Variants in GRID1 observed in about 807,000 individuals in gnomAD.
The protein encoded by GRID1 is glutamate receptor ionotropic, delta-1.
A neutral mutation model predicts 98.0 loss-of-function variants in GRID1; 28 were observed. The ratio of observed to expected loss-of-function variants is 0.29; its 90% CI spans 0.21 to 0.39. The LOEUF (loss-of-function observed/expected upper bound fraction) is 0.39, where lower values mean the gene tolerates loss of function less well. GRID1 is among the 10% of genes least tolerant of loss of function. The pLI is 1.00. For missense variants in GRID1, 1,111 were observed against 1,340.5 expected (o/e 0.83, Z 2.67); for synonymous variants, 553 against 538.5 (o/e 1.03, Z -0.37).
chr10:86,162,581 A>G (rs910713217), intron 3 of GRID1, among the ~76,000 whole-genome samples: 9 of 152,090 alleles, frequency 5.9e-5, no homozygotes, highest in Middle Eastern at 3.2e-3. Context: ...TGCAAATCCA[A>G]CCCTAAAAAC....
chr10:85,689,652 GGAAAAC>G (rs1841311036), intron 12 of GRID1, among the ~76,000 whole-genome samples: 1 of 151,836 alleles, frequency 6.6e-6, no homozygotes, highest in African/African-American at 2.4e-5. Flanking sequence ...CACATTCCAA[GGAAAAC>G]CAATGGAAAG....
chr10:85,680,994 G>C (rs573444770), intron 12 of GRID1, among the ~76,000 whole-genome samples: 1 of 152,136 alleles, frequency 6.6e-6, no homozygotes, highest in Non-Finnish European at 1.5e-5. Context: ...AGGGTGGCAC[G>C]GGGCTGAGGG....
chr10:86,010,827 A>AAAAG (rs1447082934), intron 4 of GRID1, among the ~76,000 whole-genome samples: 4 of 151,824 alleles, frequency 2.6e-5, no homozygotes, highest in Non-Finnish European at 5.9e-5. Context: ...AAAAAAAAAA[A>AAAAG]AAAGTAATGA....
rs1025542804 is a variant in GRID1 at position 86,192,225 on chromosome 10, C to T, written c.520+14139G>A. Among the ~76,000 whole-genome samples the T allele has an allele frequency of 1.1e-4, 17 of 152,184 alleles. No individual in the cohort carries two copies. Among genetic ancestry groups the T allele is most frequent in the Middle Eastern group, 6.8e-3 (2 of 294 alleles). On this transcript the variant is annotated intron_variant, in intron 3 of 15. Transcript: ENST00000327946. The surrounding 1 kb of genome is among the most constrained non-coding windows in gnomAD (Gnocchi z 4.8). Reference sequence around the variant, plus strand: ...ACACACACATGGAGGCTCCAAGAGACGACATTCCTCTCCCAACACCCTCAG... The same window carrying T: ...ACACACACATGGAGGCTCCAAGAGATGACATTCCTCTCCCAACACCCTCAG...
At chr10:86,321,943 G>C (rs1847976525) in intron 2 of GRID1, among the ~76,000 whole-genome samples, 1 of 151,976 alleles carries the variant, frequency 6.6e-6, no homozygotes, top group Non-Finnish European at 1.5e-5. Flanking sequence ...TTATTAAGAA[G>C]ATTACACGTC....
chr10:85,737,975 T>A (rs1841903525), intron 8 of GRID1, among the ~76,000 whole-genome samples: 1 of 151,892 alleles, frequency 6.6e-6, no homozygotes, highest in African/African-American at 2.4e-5. Context: ...CCTGGAATTT[T>A]AACAATCTTA....
intron 4 of GRID1, among the ~76,000 whole-genome samples, chr10:86,023,813 ATTCCCTTCAGATGAATCAAGTAAG>A: frequency 6.6e-6 from 1 of 152,204 alleles, no homozygotes; most frequent in South Asian, 2.1e-4. Flanking sequence ...AATTGCATCT[ATTCCCTTCAGATGAATCAAGTAAG>A]TTCCCTTCCT....
chr10:85,750,882 T>TA (rs1352612209), intron 8 of GRID1, among the ~76,000 whole-genome samples: 4 of 152,238 alleles, frequency 2.6e-5, no homozygotes, highest in Non-Finnish European at 4.4e-5. Flanking sequence ...GTAAAGTAGT[T>TA]ACGGTCCACC....
chr10:86,124,061 T>G (rs887073009), intron 4 of GRID1, among the ~76,000 whole-genome samples: 4 of 152,184 alleles, frequency 2.6e-5, no homozygotes, highest in Non-Finnish European at 5.9e-5. Flanking sequence ...GGGTAGCCAT[T>G]CTCAGCTCCC....
At chr10:85,948,393 G>A (rs546900096) in intron 4 of GRID1, among the ~76,000 whole-genome samples, 1 of 152,340 alleles carries the variant, frequency 6.6e-6, no homozygotes, top group South Asian at 2.1e-4. Context: ...GTCCTTTTGG[G>A]AAGCTGCATT....
intron 12 of GRID1, among the ~76,000 whole-genome samples, chr10:85,695,222 C>T (rs1384461606): frequency 6.6e-6 from 1 of 152,162 alleles, no homozygotes; most frequent in Non-Finnish European, 1.5e-5. Context: ...AATGCTGTCT[C>T]TTGCCTTCCT....
At chr10:85,731,748 G>A (rs1841825688) in intron 8 of GRID1, among the ~76,000 whole-genome samples, 1 of 145,868 alleles carries the variant, frequency 6.9e-6, no homozygotes, top group African/African-American at 2.6e-5. Flanking sequence ...ACTGCAGGGA[G>A]CCACAATTGT....
intron 2 of GRID1, among the ~76,000 whole-genome samples, chr10:86,270,143 A>C (rs1847163202): frequency 6.6e-6 from 1 of 152,128 alleles, no homozygotes; most frequent in Non-Finnish European, 1.5e-5. Flanking sequence ...TGAGCAGCCG[A>C]ATCTTCTGAT....
chr10:86,011,567 C>A (rs1842923900), intron 4 of GRID1, among the ~76,000 whole-genome samples: 3 of 152,132 alleles, frequency 2.0e-5, no homozygotes, highest in Admixed American at 6.5e-5. Flanking sequence ...AGTCTCAGAT[C>A]TCTAAATCTG....
intron 13 of GRID1, among the ~76,000 whole-genome samples, chr10:85,626,841 G>A (rs1465637721): frequency 6.6e-6 from 1 of 152,206 alleles, no homozygotes; most frequent in Non-Finnish European, 1.5e-5. Context: ...TTTGCAATCG[G>A]CTGGTGGGAG....
At chr10:85,687,017 G>A (rs1841277017) in intron 12 of GRID1, among the ~76,000 whole-genome samples, 1 of 152,100 alleles carries the variant, frequency 6.6e-6, no homozygotes, top group African/African-American at 2.4e-5. Context: ...AGGGAAATAG[G>A]AAGCTACTTG....
intron 8 of GRID1, among the ~76,000 whole-genome samples, chr10:85,737,159 C>T (rs151165060): frequency 3.3e-4 from 50 of 152,180 alleles, no homozygotes; most frequent in African/African-American, 1.1e-3. Context: ...TCAGTTAGGA[C>T]CTTTGCACAA....
intron 4 of GRID1, among the ~76,000 whole-genome samples, chr10:85,995,026 G>A (rs1055252089): frequency 6.6e-6 from 1 of 152,188 alleles, no homozygotes; most frequent in African/African-American, 2.4e-5. Context: ...AAGGCACATA[G>A]TTGAGTTTTA....
At chr10:85,977,453 A>G (rs996344774) in intron 4 of GRID1, among the ~76,000 whole-genome samples, 1 of 152,236 alleles carries the variant, frequency 6.6e-6, no homozygotes. Context: ...TGCCAGCCAC[A>G]CAAATACACC....
Sources: allele counts gnomAD v4.1 joint callset (sites outside exome capture counted in the v4.1 genomes callset), GRCh38; gene constraint gnomAD v4.1.1; non-coding constraint Gnocchi (gnomAD v3.1); transcripts MANE v1.5; gene names NCBI Gene and HGNC (gene_info 2026-07-23, HGNC 2026-07-21).